PRPSAP2: variants seen among roughly 807,000 people sequenced by gnomAD.
The protein encoded by PRPSAP2 is phosphoribosyl pyrophosphate synthase-associated protein 2.
Under a neutral mutation model 40.6 loss-of-function variants are expected in PRPSAP2, and 24 were observed. The ratio of observed to expected loss-of-function variants is 0.59; its 90% confidence interval spans 0.43 to 0.83. The LOEUF (loss-of-function observed/expected upper bound fraction) is 0.83, where lower values mean the gene tolerates loss of function less well. Among genes scored for constraint, PRPSAP2 ranks in the 40% least tolerant of loss-of-function variants. The pLI is 0.00. For synonymous variants in PRPSAP2, 149 were observed against 164.7 expected, an observed-to-expected ratio of 0.90 and a Z score of 0.73; for missense variants, 292 against 465.6, an observed-to-expected ratio of 0.63 and a Z score of 3.43.
intron 9 of PRPSAP2, among the ~76,000 whole-genome samples, chr17:18,923,211 T>A (rs2041791806): frequency 6.6e-6 from 1 of 150,656 alleles, no homozygotes. Flanking sequence ...TGCCTCAGCC[T>A]CCCAAGTAGC....
rs371576611 is a variant in PRPSAP2, at chr17:18,877,023, AGAGGACACAT to A, written c.240-671_240-662del. Among the ~76,000 whole-genome samples the A allele has an allele frequency of 3.6e-3, 550 of 152,284 alleles. 1 individual carries two copies. The highest frequency in any genetic ancestry group is 0.012 in the African/African-American group (507 of 41,572). On this transcript the variant is annotated intron_variant, in intron 5 of 11. Transcript: ENST00000268835. ...CCAAAGGACGAGAGGGAACAGAAAG[AGAGGACACAT>A]GAGCAAGTCCTGGGACGTGAGGCTG...
intron 9 of PRPSAP2, among the ~76,000 whole-genome samples, chr17:18,915,858 C>T (rs1241219847): frequency 1.3e-5 from 2 of 150,806 alleles, no homozygotes; most frequent in African/African-American, 2.4e-5. Flanking sequence ...CTTGCTCTGT[C>T]GCCCAGGCTG....
rs915822327 is a variant in PRPSAP2 at position 18,912,184 on chromosome 17, G to GA, written c.733+944dup. On this transcript the variant is annotated intron_variant, in intron 9 of 11. Transcript: ENST00000268835. ...GCAACAAGAGTGAAACTCCTTCTCA[G>GA]AAAAAAAAAAAGATAAAGGCGCCAG... Among the ~76,000 whole-genome samples the GA allele has an allele frequency of 1.3e-3, 189 of 141,462 alleles. 3 individuals carry two copies. Among genetic ancestry groups the GA allele is most frequent in the East Asian group, 6.5e-3 (31 of 4,770 alleles). 92.8% of individuals were successfully genotyped at this position (141,462 alleles called of 152,430 possible). A position where few individuals can be genotyped will look rare whatever the true frequency, so the allele number is the denominator to read the frequency against.
chr17:18,890,143 T>TTTA (rs1378669506), intron 8 of PRPSAP2, among the ~76,000 whole-genome samples: 1 of 151,034 alleles, frequency 6.6e-6, no homozygotes. Flanking sequence ...TTCTTTTATT[T>TTTA]TTATTATTAT....
chr17:18,897,098 G>A (rs1243487349), intron 8 of PRPSAP2, among the ~76,000 whole-genome samples: 4 of 151,994 alleles, frequency 2.6e-5, no homozygotes, highest in African/African-American at 9.7e-5. Context: ...TGAGACCACA[G>A]GCATGCAGCA....
At chr17:18,899,891 G>C (rs1051107118) in intron 8 of PRPSAP2, among the ~76,000 whole-genome samples, 2 of 147,986 alleles carry the variant, frequency 1.4e-5, no homozygotes, top group African/African-American at 5.0e-5. Context: ...ATAAGTTTTT[G>C]GTTCTCTTTT....
At chr17:18,917,201 A>C (rs543981054) in intron 9 of PRPSAP2, among the ~76,000 whole-genome samples, 2 of 152,234 alleles carry the variant, frequency 1.3e-5, no homozygotes, top group East Asian at 3.9e-4. Flanking sequence ...GTTTGGTGGC[A>C]TATGGACTAA....
chr17:18,913,412 T>G (rs2041083247), intron 9 of PRPSAP2, among the ~76,000 whole-genome samples: 1 of 152,028 alleles, frequency 6.6e-6, no homozygotes, highest in African/African-American at 2.4e-5. Context: ...ATGTGGGAAG[T>G]GGAGCCTTGA....
intron 5 of PRPSAP2, among the ~76,000 whole-genome samples, chr17:18,873,485 C>T (rs557217818): frequency 2.6e-5 from 4 of 152,156 alleles, no homozygotes; most frequent in East Asian, 1.9e-4. Flanking sequence ...GGATTACAGG[C>T]GTGAGCCACT....
intron 6 of PRPSAP2, among the ~76,000 whole-genome samples, chr17:18,881,989 C>T (rs563951765): frequency 2.0e-5 from 3 of 151,506 alleles, no homozygotes; most frequent in African/African-American, 4.8e-5. Flanking sequence ...TACAGGCACA[C>T]GCCACCACGC....
chr17:18,919,858 C>G (rs1245431278), intron 9 of PRPSAP2, among the ~76,000 whole-genome samples: 1 of 152,140 alleles, frequency 6.6e-6, no homozygotes, highest in East Asian at 1.9e-4. Flanking sequence ...GTTCTTGGGT[C>G]TCTTGGACTT....
intron 8 of PRPSAP2, among the ~76,000 whole-genome samples, chr17:18,895,445 C>T (rs1300141368): frequency 6.6e-6 from 1 of 151,532 alleles, no homozygotes; most frequent in South Asian, 2.1e-4. Flanking sequence ...ATTTTTTAGA[C>T]ATTGTTTTCT....
chr17:18,916,426 A>C (rs559911834), intron 9 of PRPSAP2, among the ~76,000 whole-genome samples: 3 of 145,956 alleles, frequency 2.1e-5, no homozygotes, highest in East Asian at 2.0e-4. Flanking sequence ...CCCAGGCTGG[A>C]GTGCAATGAC....
intron 10 of PRPSAP2, among the ~76,000 whole-genome samples, chr17:18,925,815 A>G (rs1338989434): frequency 6.6e-6 from 1 of 152,208 alleles, no homozygotes; most frequent in African/African-American, 2.4e-5. Flanking sequence ...TTTTCAGGTT[A>G]GAAAATCTCT....
intron 8 of PRPSAP2, among the ~76,000 whole-genome samples, chr17:18,896,364 T>C (rs566644013): frequency 6.6e-6 from 1 of 152,234 alleles, no homozygotes; most frequent in African/African-American, 2.4e-5. Context: ...TCCCACTCTC[T>C]TCAAGGTCTG....
chr17:18,910,330 G>A (rs2040880000), intron 8 of PRPSAP2, among the ~76,000 whole-genome samples: 1 of 152,120 alleles, frequency 6.6e-6, no homozygotes, highest in East Asian at 1.9e-4. Flanking sequence ...GCTGAGGCAG[G>A]AGAATCGCTT....
At chr17:18,924,232 G>T (rs541795453) in intron 10 of PRPSAP2, among the ~76,000 whole-genome samples, 18 of 152,206 alleles carry the variant, frequency 1.2e-4, no homozygotes, top group Admixed American at 1.2e-3. Flanking sequence ...TAGAGATGGG[G>T]TTTCACCATG....
chr17:18,856,679 A>C (rs796520409), upstream of PRPSAP2, among the ~76,000 whole-genome samples: 2 of 152,294 alleles, frequency 1.3e-5, no homozygotes, highest in African/African-American at 4.8e-5. Context: ...TCCAAAGCAG[A>C]ATTGGAGAGA....
chr17:18,866,056 A>G (rs1453678749), intron 3 of PRPSAP2, 104 bp downstream of exon 3: 1 of 774,702 alleles, frequency 1.3e-6, no homozygotes, highest in African/African-American at 1.8e-5. Flanking sequence ...GATATTTTAT[A>G]ATTATAAAAT....
Sources: allele counts gnomAD v4.1 joint callset (sites outside exome capture counted in the v4.1 genomes callset), GRCh38; gene constraint gnomAD v4.1.1; transcripts MANE v1.5; gene names NCBI Gene and HGNC (gene_info 2026-07-23, HGNC 2026-07-21).